The following CUX2 variants were observed in gnomAD, a reference collection of about 807,000 sequenced individuals.
CUX2 encodes the protein homeobox protein cut-like 2.
In CUX2, 40 loss-of-function variants were observed where a neutral mutation model predicts 144.8. The observed-to-expected ratio is 0.28, with a 90% confidence interval of 0.21 to 0.36. The LOEUF (loss-of-function observed/expected upper bound fraction) is 0.36, where lower values mean the gene tolerates loss of function less well. CUX2 is among the 10% of genes least tolerant of loss of function. The pLI is 1.00. For missense variants in CUX2, 1,615 were observed against 1,994.0 expected (o/e 0.81, Z 3.62); for synonymous variants, 827 against 875.6 (o/e 0.94, Z 0.98).
At chr12:111,102,742 G>C (rs1466505500) in intron 1 of CUX2, among the ~76,000 whole-genome samples, 1 of 152,144 alleles carries the variant, frequency 6.6e-6, no homozygotes, top group Non-Finnish European at 1.5e-5. Context: ...GTTGCCGAGT[G>C]ACTTCAGGAC....
chr12:111,115,279 C>CTTTTTTTT (rs869307048), intron 1 of CUX2, among the ~76,000 whole-genome samples: 26 of 88,754 alleles, frequency 2.9e-4, no homozygotes, highest in Non-Finnish European at 3.5e-4. Flanking sequence ...AATAAAATTT[C>CTTTTTTTT]TTTTTTTTTT....
chr12:111,322,730 A>C lies in CUX2; in HGVS notation c.2926+150A>C. ...CCAGTCACTGTCATGGCTGCACTGG[A>C]ACATGGCGGGGGGTCCTGGGGTTTC... On this transcript the variant is annotated intron_variant, in intron 18 of 21. Coordinates refer to ENST00000261726, the MANE Select transcript of CUX2 (RefSeq NM_015267.4). This position sits in a 1 kb window ranked among gnomAD's most constrained non-coding sequence, Gnocchi z 4.2. 1 of 1,050,148 alleles carries C rather than the reference A, an allele frequency of 9.5e-7. No homozygotes were observed. Among genetic ancestry groups the C allele is most frequent in the Non-Finnish European group, 1.4e-6 (1 of 732,880 alleles). The allele number at this position is 1,050,148 out of a possible 1,614,324, so 65.1% of individuals were successfully genotyped here. A position where few individuals can be genotyped will look rare whatever the true frequency, so the allele number is the denominator to read the frequency against.
chr12:111,324,363 AAAAGAAAG>A (rs61206703), intron 18 of CUX2, among the ~76,000 whole-genome samples: 6 of 145,984 alleles, frequency 4.1e-5, no homozygotes, highest in African/African-American at 1.6e-4. Context: ...AAAAAAAAAA[AAAAGAAAG>A]AAAGAAATGC....
intron 1 of CUX2, among the ~76,000 whole-genome samples, chr12:111,125,771 G>A (rs943840289): frequency 4.6e-5 from 7 of 152,178 alleles, no homozygotes; most frequent in African/African-American, 1.7e-4. Context: ...TGGAGACTGA[G>A]GCTAATTAGA....
intron 16 of CUX2, among the ~76,000 whole-genome samples, chr12:111,318,532 G>A (rs1364427199): frequency 6.7e-6 from 1 of 150,054 alleles, no homozygotes; most frequent in Non-Finnish European, 1.5e-5. Flanking sequence ...AGAGAGCTAT[G>A]ATCGCACCTG....
At position 111,322,592 on chromosome 12, in the gene CUX2, C is replaced by T. The variant is rs201197485; in HGVS notation, c.2926+12C>T. 88 of 1,604,308 alleles carry T rather than the reference C, an allele frequency of 5.5e-5. 1 individual carries two copies. The highest frequency in any genetic ancestry group is 3.9e-4 in the South Asian group (35 of 90,382). The stretch of plus-strand genomic sequence containing the variant: ...TGGTGCCTCCCAGGGTGAGTGCGGG[C>T]AGGAGCATCTCAGGGGGTGCTGGCA... On this transcript the variant is annotated intron_variant, in intron 18 of 21. Transcript: ENST00000261726. This position sits in a 1 kb window ranked among gnomAD's most constrained non-coding sequence, Gnocchi z 4.2.
chr12:111,253,120 C>T (rs1883646958), intron 3 of CUX2, among the ~76,000 whole-genome samples: 1 of 152,178 alleles, frequency 6.6e-6, no homozygotes, highest in Admixed American at 6.5e-5. Context: ...AGCCACTTCC[C>T]TGGTCTCCCT....
At chr12:111,125,202 CAG>C (rs1874977764) in intron 1 of CUX2, among the ~76,000 whole-genome samples, 1 of 147,026 alleles carries the variant, frequency 6.8e-6, no homozygotes, top group African/African-American at 2.5e-5. Context: ...TTTTTTGAGA[CAG>C]AGTGTCCCTC....
At chr12:111,299,888 G>C (rs1337838127) in intron 9 of CUX2, among the ~76,000 whole-genome samples, 1 of 152,022 alleles carries the variant, frequency 6.6e-6, no homozygotes, top group Non-Finnish European at 1.5e-5. Flanking sequence ...CTTTTTGTGG[G>C]GGGCAAGGGG....
At chr12:111,338,191 C>A in intron 19 of CUX2, 95 bp from the exon 20 acceptor site, 1 of 1,325,240 alleles carries the variant, frequency 7.5e-7, no homozygotes, top group Non-Finnish European at 1.0e-6. Context: ...CCTCGAGGCT[C>A]TCCCCTGTGT....
intron 4 of CUX2, among the ~76,000 whole-genome samples, chr12:111,264,639 G>A (rs1217610286): frequency 1.3e-5 from 2 of 152,136 alleles, no homozygotes; most frequent in East Asian, 3.9e-4. Flanking sequence ...CAGCTGCTCG[G>A]GAGGCTGAGA....
Position 111,293,171 on chromosome 12 carries a change from G to A in CUX2, c.437-275G>A, listed in dbSNP as rs1012840536. 2.6e-5 allele frequency among the ~76,000 whole-genome samples: 4 copies of A among 152,154 alleles called. No homozygotes were observed. The highest frequency in any genetic ancestry group is 4.4e-5 in the Non-Finnish European group (3 of 68,024). The stretch of plus-strand genomic sequence containing the variant: ...TAAAAAAAGGTGAATTTTATGTGAC[G>A]TATATTTTACCACAATTTTAAAAGT... On this transcript the variant is annotated intron_variant, in intron 5 of 21. Transcript: ENST00000261726. This position sits in a 1 kb window ranked among gnomAD's most constrained non-coding sequence, Gnocchi z 4.5.
intron 1 of CUX2, among the ~76,000 whole-genome samples, chr12:111,204,810 A>G (rs12582028): frequency 0.054 from 8,178 of 152,220 alleles, 263 homozygotes; most frequent in South Asian, 0.12. Flanking sequence ...TCTATGGGGC[A>G]GTTGTTATCC....
chr12:111,107,299 G>C (rs1228442465), intron 1 of CUX2, among the ~76,000 whole-genome samples: 4 of 152,234 alleles, frequency 2.6e-5, no homozygotes, highest in Middle Eastern at 6.3e-3. Flanking sequence ...TGCCCACCTG[G>C]TGTGCACCTG....
chr12:111,159,813 T>A (rs1314282141), intron 1 of CUX2, among the ~76,000 whole-genome samples: 1 of 152,118 alleles, frequency 6.6e-6, no homozygotes, highest in Non-Finnish European at 1.5e-5. Context: ...TCACCTGAGG[T>A]CAGGAGTTTG....
chr12:111,342,956 C>CAAA (rs11314694), intron 21 of CUX2, among the ~76,000 whole-genome samples: 3 of 68,442 alleles, frequency 4.4e-5, no homozygotes, highest in East Asian at 4.2e-4. Flanking sequence ...GAGACTATCT[C>CAAA]AAAAAAAAAA....
chr12:111,124,329 G>A (rs1345088553), intron 1 of CUX2, among the ~76,000 whole-genome samples: 3 of 152,354 alleles, frequency 2.0e-5, no homozygotes, highest in Admixed American at 6.5e-5. Context: ...GTTCAGTCAA[G>A]TGTGGACAGC....
At chr12:111,118,401 C>T (rs78039255) in intron 1 of CUX2, among the ~76,000 whole-genome samples, 4,836 of 152,198 alleles carry the variant, frequency 0.032, 269 homozygotes, top group African/African-American at 0.11. Flanking sequence ...CCTAGCTGTG[C>T]GCTCAGTGAT....
At chr12:111,198,739 C>T (rs1414868529) in intron 1 of CUX2, among the ~76,000 whole-genome samples, 1 of 152,154 alleles carries the variant, frequency 6.6e-6, no homozygotes, top group Non-Finnish European at 1.5e-5. Flanking sequence ...GGTGGCAGCA[C>T]TGGGGGGGAT....
Sources: gnomAD v4.1 joint callset for allele counts (sites outside exome capture counted in the v4.1 genomes callset) on GRCh38, gnomAD v4.1.1 for gene constraint, Gnocchi (gnomAD v3.1) non-coding constraint, MANE v1.5 for transcripts, NCBI Gene and HGNC (gene_info 2026-07-23, HGNC 2026-07-21) for gene names.